YTHDC2: variants seen among roughly 807,000 people sequenced by gnomAD.
YTHDC2 encodes YTH N6-methyladenosine RNA binding protein C2.
Under a neutral mutation model 174.9 loss-of-function variants are expected in YTHDC2, and 45 were observed. The ratio of observed to expected loss-of-function variants is 0.26; its 90% CI spans 0.20 to 0.33. YTHDC2 has a LOEUF of 0.33. Ranked by LOEUF, YTHDC2 falls within the 10% of genes least tolerant of loss-of-function variation. The pLI, the probability that YTHDC2 is intolerant of heterozygous loss-of-function variation, is 1.00. For synonymous variants in YTHDC2, 657 were observed against 574.5 expected, an observed-to-expected ratio of 1.14 and a Z score of -2.05; for missense variants, 1,650 against 1,723.7, an observed-to-expected ratio of 0.96 and a Z score of 0.76.
intron 26 of YTHDC2, among the ~76,000 whole-genome samples, chr5:113,590,223 C>T (rs1315403626): frequency 6.6e-6 from 1 of 152,146 alleles, no homozygotes; most frequent in Non-Finnish European, 1.5e-5. Context: ...TGTTGTGATG[C>T]ACAGTTTAGT....
chr5:113,563,321 A>T lies in YTHDC2; in HGVS notation c.2323-52A>T, dbSNP rs188130342. 9 of 1,460,144 alleles carry T rather than the reference A, an allele frequency of 6.2e-6. No homozygotes were observed. The African/African-American group carries it at 1.3e-4, about 21-fold the overall frequency. 90.4% of individuals were successfully genotyped at this position (1,460,144 alleles called of 1,614,324 possible). A position where few individuals can be genotyped will look rare whatever the true frequency, so the allele number is the denominator to read the frequency against. ...GTTCCCATGATTTCTTTAAATGTGT[A>T]GGTTAGTATTCTTTTTAATTTTAAA... On this transcript the variant is annotated intron_variant, in intron 18 of 29. Transcript: ENST00000161863.
At chr5:113,534,212 A>G in intron 5 of YTHDC2, 93 bp from the exon 6 acceptor site, 1 of 941,746 alleles carries the variant, frequency 1.1e-6, no homozygotes, top group Non-Finnish European at 1.7e-6. Flanking sequence ...AATATTTATT[A>G]AAATGTGTAC....
At chr5:113,534,857 A>C (rs1452996320) in intron 6 of YTHDC2, among the ~76,000 whole-genome samples, 1 of 152,174 alleles carries the variant, frequency 6.6e-6, no homozygotes, top group Non-Finnish European at 1.5e-5. Context: ...TGATGAACTA[A>C]GTTGATGAGT....
At chr5:113,577,615 T>C (rs2112778302) in intron 23 of YTHDC2, among the ~76,000 whole-genome samples, 1 of 152,272 alleles carries the variant, frequency 6.6e-6, no homozygotes, top group South Asian at 2.1e-4. Context: ...TACAATCTGC[T>C]CACCTCGGTC....
chr5:113,517,982 G>A (rs1459668267), intron 2 of YTHDC2, among the ~76,000 whole-genome samples: 4 of 150,724 alleles, frequency 2.7e-5, no homozygotes, highest in African/African-American at 4.9e-5. Flanking sequence ...TCCACCTCCC[G>A]GGTTCACGCC....
intron 12 of YTHDC2, among the ~76,000 whole-genome samples, chr5:113,552,674 C>A (rs573080135): frequency 2.0e-5 from 3 of 152,030 alleles, no homozygotes; most frequent in Middle Eastern, 6.8e-3. Context: ...TATATATACA[C>A]CTAGGAGTGG....
At chr5:113,553,422 G>C in intron 13 of YTHDC2, 63 bp downstream of exon 13, 1 of 1,492,150 alleles carries the variant, frequency 6.7e-7, no homozygotes, top group South Asian at 1.4e-5. Flanking sequence ...AATATTTTAA[G>C]TGTACAAATT....
In YTHDC2 at chr5:113,567,263, C is replaced by G; in HGVS notation, c.3014C>G (p.Pro1005Arg). The change falls in exon 22 of 30, where the codon CCT becomes CGT. Residue 1005 changes from proline to arginine, a missense_variant. By Grantham distance (103) the Pro-to-Arg change is moderately radical (BLOSUM62 -2). Transcript: ENST00000161863. ...AAGGAGAAAAAAGTACGATTTCATC[C>G]TGCTTCAGTTCTCAGTCAGCCTCAA... ...GPKEKKVRFH[P>R]ASVLSQPQYK... The G allele has an allele frequency of 6.2e-7, 1 of 1,612,956 alleles. No individual in the cohort carries two copies. The highest frequency in any genetic ancestry group is 8.5e-7 in the Non-Finnish European group (1 of 1,179,688).
At position 113,593,403 on chromosome 5, in the gene YTHDC2, T is replaced by C; in HGVS notation, c.*7+13T>C. On this transcript the variant is annotated intron_variant, in intron 29 of 29. Coordinates refer to ENST00000161863, the MANE Select transcript of YTHDC2 (RefSeq NM_022828.5). ...GATTGACACTCAGGTTATACCATCT[T>C]GACTTTGAGTATTGGCAGTATTTGT... The C allele has an allele frequency of 3.2e-6, 5 of 1,581,346 alleles. 1 individual carries two copies. In the South Asian group the frequency reaches 5.6e-5, roughly 18 times the overall value.
At chr5:113,537,686 A>G (rs531409281) in intron 7 of YTHDC2, among the ~76,000 whole-genome samples, 3 of 150,408 alleles carry the variant, frequency 2.0e-5, no homozygotes, top group South Asian at 2.1e-4. Context: ...CTGGGCTTCT[A>G]TTTTTTCTTT....
chr5:113,552,361 C>G (rs143598851), intron 12 of YTHDC2, among the ~76,000 whole-genome samples: 4,731 of 152,080 alleles, frequency 0.031, 119 homozygotes, highest in Non-Finnish European at 0.04. Flanking sequence ...TAGGCCTCCT[C>G]CAGCTTTAGA....
chr5:113,574,236 G>A (rs1359384322), intron 23 of YTHDC2, among the ~76,000 whole-genome samples: 2 of 152,100 alleles, frequency 1.3e-5, no homozygotes, highest in Non-Finnish European at 2.9e-5. Context: ...GTTTGCTGGG[G>A]CTCCCCACCA....
intron 9 of YTHDC2, 29 bp from the exon 10 acceptor site, chr5:113,542,339 T>G: frequency 6.2e-7 from 1 of 1,601,768 alleles, no homozygotes; most frequent in Non-Finnish European, 8.5e-7. Context: ...TAATTTATGA[T>G]AATTTATGAT....
At chr5:113,529,824 C>T (rs13161610) in intron 4 of YTHDC2, among the ~76,000 whole-genome samples, 17,430 of 151,900 alleles carry the variant, frequency 0.11, 1,126 homozygotes, top group African/African-American at 0.14. Flanking sequence ...GTATCTTGTT[C>T]AGTAGTTTTA....
At chr5:113,556,270 A>T in intron 17 of YTHDC2, 136 bp downstream of exon 17, 1 of 483,926 alleles carries the variant, frequency 2.1e-6, no homozygotes. Context: ...TTATTTTTGC[A>T]AAGCAAGCCA....
chr5:113,514,490 G>C (rs180796123), intron 1 of YTHDC2, among the ~76,000 whole-genome samples: 3 of 152,298 alleles, frequency 2.0e-5, no homozygotes, highest in Admixed American at 2.0e-4. Context: ...AAATGCACCA[G>C]CAATACGTTT....
intron 23 of YTHDC2, among the ~76,000 whole-genome samples, chr5:113,575,356 C>T (rs1240616190): frequency 6.6e-6 from 1 of 152,156 alleles, no homozygotes. Context: ...TAGGAATTTA[C>T]ACAGTAGTGA....
chr5:113,526,423 C>G (rs1774242153), intron 3 of YTHDC2, among the ~76,000 whole-genome samples, 163 bp from the exon 4 acceptor site: 1 of 151,930 alleles, frequency 6.6e-6, no homozygotes, highest in Non-Finnish European at 1.5e-5. Flanking sequence ...TGCTTGACAA[C>G]TTTATGTAGA....
At chr5:113,558,585 T>C (rs138628565) in intron 17 of YTHDC2, among the ~76,000 whole-genome samples, 2 of 152,238 alleles carry the variant, frequency 1.3e-5, no homozygotes, top group Non-Finnish European at 2.9e-5. Context: ...AGTGCCATAG[T>C]CAGATAGGGA....
Sources: gnomAD v4.1 joint callset for allele counts (sites outside exome capture counted in the v4.1 genomes callset) on GRCh38, gnomAD v4.1.1 for gene constraint, MANE v1.5 for transcripts, NCBI Gene and HGNC (gene_info 2026-07-23, HGNC 2026-07-21) for gene names.